Variants in CALML3 observed in about 807,000 individuals in gnomAD.
CALML3 encodes the protein calmodulin-like protein 3.
For missense variants in CALML3, 198 were observed against 214.1 expected, an observed-to-expected ratio of 0.92 and a Z score of 0.47; for synonymous variants, 98 against 89.9, an observed-to-expected ratio of 1.09 and a Z score of -0.51.
In CALML3 at chr10:5,525,331, C is replaced by T. The variant is rs750831263; in HGVS notation, c.246C>T (p.Asn82=). ...CCAGGAAGATGAAGGACACGGACAA[C>T]GAGGAGGAGATCCGCGAGGCCTTCC... is the stretch of plus-strand genomic sequence containing the variant. ...MMARKMKDTD[N]EEEIREAFRV... The change falls in exon 1 of 1, where the codon AAC becomes AAT. Residue 82 remains asparagine (N), a synonymous_variant. Transcript: ENST00000315238. 7 of 1,613,756 alleles carry T rather than the reference C, an allele frequency of 4.3e-6. No homozygotes were observed. Among genetic ancestry groups the T allele is most frequent in the East Asian group, 2.2e-5 (1 of 44,882 alleles).
chr10:5,525,845 G>A lies in CALML3; in HGVS notation c.*310G>A. On this transcript the variant is annotated 3_prime_UTR_variant, in exon 1 of 1. Coordinates refer to ENST00000315238, the MANE Select transcript of CALML3 (RefSeq NM_005185.4). ...CCAGGGCAGGTTGCGCTGACTCTGC[G>A]GCCCTCCAGGACGGACACCGGGTGA... is the stretch of plus-strand genomic sequence containing the variant. 1.7e-6 allele frequency: 2 copies of A among 1,147,522 alleles called. No individual in the cohort carries two copies. The highest frequency in any genetic ancestry group is 2.2e-6 in the Non-Finnish European group (2 of 893,822). 71.1% of individuals were successfully genotyped at this position (1,147,522 alleles called of 1,614,324 possible). A position where few individuals can be genotyped will look rare whatever the true frequency, so the allele number is the denominator to read the frequency against.
At position 5,525,146 on chromosome 10, in the gene CALML3, G is replaced by C; in HGVS notation, c.61G>C (p.Asp21His). The C allele has an allele frequency of 6.2e-7, 1 of 1,613,510 alleles. No individual in the cohort carries two copies. The highest frequency in any genetic ancestry group is 8.5e-7 in the Non-Finnish European group (1 of 1,179,646). Residue 21 changes from aspartate to histidine, a missense_variant, in exon 1 of 1, where the codon GAC (aspartate) becomes CAC (histidine). Transcript: ENST00000315238. ...ATTCAAGGAGGCCTTCTCCCTGTTTGACAAGGATGGGGACGGCTGCATCAC... is the reference window on the plus strand; with the variant it reads ...ATTCAAGGAGGCCTTCTCCCTGTTTCACAAGGATGGGGACGGCTGCATCAC... ...TEFKEAFSLF[D>H]KDGDGCITTR... is the part of the protein sequence containing the mutation.
In CALML3 at chr10:5,525,659, G is replaced by T; in HGVS notation, c.*124G>T. On this transcript the variant is annotated 3_prime_UTR_variant, in exon 1 of 1. Coordinates refer to ENST00000315238, the MANE Select transcript of CALML3 (RefSeq NM_005185.4). ...CTGTGGCTTCCTCCTGCGCCTGGTT[G>T]ATTCAGCCCACCTCTCTGCATCCCG... 1 of 1,449,600 alleles carries T rather than the reference G, an allele frequency of 6.9e-7. No homozygotes were observed. The highest frequency in any genetic ancestry group is 1.5e-5 in the South Asian group (1 of 67,236). 89.8% of individuals were successfully genotyped at this position (1,449,600 alleles called of 1,614,324 possible).
rs1833584154 is a variant in CALML3 at position 5,526,103 on chromosome 10, G to C, written c.*568G>C. On this transcript the variant is annotated 3_prime_UTR_variant, in exon 1 of 1. Coordinates refer to ENST00000315238, the MANE Select transcript of CALML3 (RefSeq NM_005185.4). ...CAGCACTGCCTTCCGCGCTGCCCCA[G>C]CTTGCCCCATTCCTTGTCCGCCAAC... 1 of 168,924 alleles carries C rather than the reference G, an allele frequency of 5.9e-6. No individual in the cohort carries two copies. Among genetic ancestry groups the C allele is most frequent in the Admixed American group, 6.4e-5 (1 of 15,608 alleles). The allele number at this position is 168,924 out of a possible 1,614,324, so 10.5% of individuals were successfully genotyped here.
chr10:5,525,531 A>AG lies in CALML3; in HGVS notation c.447dup (p.Ter150ValfsTer43). 3 of 1,588,142 alleles carry AG rather than the reference A, an allele frequency of 1.9e-6. No individual in the cohort carries two copies. The highest frequency in any genetic ancestry group is 2.6e-6 in the Non-Finnish European group (3 of 1,163,564). Reference sequence around the variant, plus strand: ...GAGTTTGTCCGTGTGCTGGTGTCCAAGTGAGGCCGGCGCCCACCATGCTCC... The same window carrying AG: ...GAGTTTGTCCGTGTGCTGGTGTCCAAGGTGAGGCCGGCGCCCACCATGCTCC... On this transcript the variant is annotated frameshift_variant, in exon 1 of 1. Coordinates refer to ENST00000315238, the MANE Select transcript of CALML3 (RefSeq NM_005185.4). LOFTEE classifies it high-confidence loss of function.
Position 5,525,684 on chromosome 10 carries a change from G to A in CALML3, c.*149G>A. The A allele has an allele frequency of 2.1e-6, 3 of 1,443,936 alleles. No individual in the cohort carries two copies. Among genetic ancestry groups the A allele is most frequent in the South Asian group, 1.5e-5 (1 of 66,446 alleles). 89.4% of individuals were successfully genotyped at this position (1,443,936 alleles called of 1,614,324 possible). On this transcript the variant is annotated 3_prime_UTR_variant, in exon 1 of 1. Coordinates refer to ENST00000315238, the MANE Select transcript of CALML3 (RefSeq NM_005185.4). ...GATTCAGCCCACCTCTCTGCATCCC[G>A]CTTCCCGCGTCTCTTCTCTGCACTC...
chr10:5,525,771 T>A lies in CALML3; in HGVS notation c.*236T>A. The A allele has an allele frequency of 7.1e-7, 1 of 1,417,152 alleles. No homozygotes were observed. The highest frequency in any genetic ancestry group is 2.6e-5 in the East Asian group (1 of 38,118). 87.8% of individuals were successfully genotyped at this position (1,417,152 alleles called of 1,614,324 possible). A position where few individuals can be genotyped will look rare whatever the true frequency, so the allele number is the denominator to read the frequency against. On this transcript the variant is annotated 3_prime_UTR_variant, in exon 1 of 1. Coordinates refer to ENST00000315238, the MANE Select transcript of CALML3 (RefSeq NM_005185.4). ...GAACGCTCCCACTGCAGGCAAACCG[T>A]GACGCCCTCCCCACTCGGGAGAAGC... is the stretch of plus-strand genomic sequence containing the variant.
chr10:5,525,410 G>A lies in CALML3; in HGVS notation c.325G>A (p.Val109Ile), dbSNP rs758671473. ...CGTCAGCGCCGCCGAGCTGCGACAC[G>A]TCATGACCCGGCTGGGGGAGAAGCT... ...GFVSAAELRH[V>I]MTRLGEKLSD... The change falls in exon 1 of 1, where the codon GTC becomes ATC. Residue 109 changes from valine (V) to isoleucine (I), a missense_variant. Val to Ile is a conservative substitution (Grantham distance 29). Coordinates refer to ENST00000315238, the MANE Select transcript of CALML3 (RefSeq NM_005185.4). The A allele has an allele frequency of 6.8e-6, 11 of 1,613,910 alleles. No homozygotes were observed. The highest frequency in any genetic ancestry group is 1.6e-4 in the Middle Eastern group (1 of 6,062).
rs1833561737 is a variant in CALML3 at position 5,525,069 on chromosome 10, A to C, written c.-17A>C. ...CCCACAGTGGCCTCTTCTGCCACCC[A>C]CGCCCCCACCCCTGGCATGGCCGAC... On this transcript the variant is annotated 5_prime_UTR_variant, in exon 1 of 1. Transcript: ENST00000315238. 3 of 1,564,022 alleles carry C rather than the reference A, an allele frequency of 1.9e-6. No individual in the cohort carries two copies. Among genetic ancestry groups the C allele is most frequent in the Non-Finnish European group, 2.6e-6 (3 of 1,147,064 alleles).
In CALML3 at chr10:5,525,143, T is replaced by C. The variant is rs930441737; in HGVS notation, c.58T>C (p.Phe20Leu). Residue 20 changes from phenylalanine (F) to leucine (L), a missense_variant, in exon 1 of 1, where the codon TTT (phenylalanine) becomes CTT (leucine). By Grantham distance (22) the Phe-to-Leu change is conservative. Coordinates refer to ENST00000315238, the MANE Select transcript of CALML3 (RefSeq NM_005185.4). Reference sequence around the variant, plus strand: ...AGAATTCAAGGAGGCCTTCTCCCTGTTTGACAAGGATGGGGACGGCTGCAT... The same window carrying C: ...AGAATTCAAGGAGGCCTTCTCCCTGCTTGACAAGGATGGGGACGGCTGCAT... ...VTEFKEAFSL[F>L]DKDGDGCITT... is the part of the protein sequence containing the mutation. 8 of 1,613,196 alleles carry C rather than the reference T, an allele frequency of 5.0e-6. No individual in the cohort carries two copies. The highest frequency in any genetic ancestry group is 6.8e-6 in the Non-Finnish European group (8 of 1,179,460).
At position 5,526,659 on chromosome 10, in the gene CALML3, A is replaced by G. The variant is rs1833591985; in HGVS notation, c.*1124A>G. The stretch of plus-strand genomic sequence containing the variant: ...AGCAATTCAGAGCCGTTAGTCCTGC[A>G]CTAGCCCTGCAAGCTGCTGGCAACA... On this transcript the variant is annotated 3_prime_UTR_variant, in exon 1 of 1. Transcript: ENST00000315238. 1 of 167,108 alleles carries G rather than the reference A, an allele frequency of 6.0e-6. No homozygotes were observed. Among genetic ancestry groups the G allele is most frequent in the Non-Finnish European group, 1.5e-5 (1 of 68,210 alleles). 10.4% of individuals were successfully genotyped at this position (167,108 alleles called of 1,614,324 possible).
chr10:5,525,215 C>A lies in CALML3; in HGVS notation c.130C>A (p.Pro44Thr), dbSNP rs1224383823. ...GTVMRSLGQNPTEAELRDMMS... is the reference protein window; with the variant it reads ...GTVMRSLGQNTTEAELRDMMS... ...GGTCATGCGGTCCCTGGGCCAGAACCCCACGGAGGCCGAGCTGCGGGACAT... is the reference window on the plus strand; with the variant it reads ...GGTCATGCGGTCCCTGGGCCAGAACACCACGGAGGCCGAGCTGCGGGACAT... The change falls in exon 1 of 1, where the codon CCC (proline) becomes ACC (threonine). Residue 44 changes from proline (P) to threonine (T), a missense_variant. Coordinates refer to ENST00000315238, the MANE Select transcript of CALML3 (RefSeq NM_005185.4). 2 of 1,613,820 alleles carry A rather than the reference C, an allele frequency of 1.2e-6. No homozygotes were observed. The highest frequency in any genetic ancestry group is 1.7e-6 in the Non-Finnish European group (2 of 1,179,998).
Position 5,525,254 on chromosome 10 carries a change from G to C in CALML3, c.169G>C (p.Asp57His). The part of the protein sequence containing the change: ...AELRDMMSEI[D>H]RDGNGTVDFP... ...GCTGCGGGACATGATGAGTGAGATC[G>C]ACCGGGACGGCAACGGCACCGTGGA... Residue 57 changes from aspartate to histidine, a missense_variant, in exon 1 of 1, where the codon GAC becomes CAC. By Grantham distance (81) the Asp-to-His change is moderately conservative. Coordinates refer to ENST00000315238, the MANE Select transcript of CALML3 (RefSeq NM_005185.4). The C allele has an allele frequency of 6.2e-7, 1 of 1,613,936 alleles. No individual in the cohort carries two copies. Among genetic ancestry groups the C allele is most frequent in the South Asian group, 1.1e-5 (1 of 91,064 alleles).
rs1179970737 is a variant in CALML3, at chr10:5,525,185, G to A, written c.100G>A (p.Gly34Ser). 2 of 1,613,934 alleles carry A rather than the reference G, an allele frequency of 1.2e-6. No individual in the cohort carries two copies. The highest frequency in any genetic ancestry group is 2.2e-5 in the East Asian group (1 of 44,862). The change falls in exon 1 of 1, where the codon GGC (glycine) becomes AGC (serine). Residue 34 changes from glycine to serine, a missense_variant. By Grantham distance (56) the Gly-to-Ser change is moderately conservative. Coordinates refer to ENST00000315238, the MANE Select transcript of CALML3 (RefSeq NM_005185.4). ...GDGCITTREL[G>S]TVMRSLGQNP... ...CGGCTGCATCACCACCCGCGAGCTG[G>A]GCACGGTCATGCGGTCCCTGGGCCA...
rs781538898 is a variant in CALML3, at chr10:5,525,553, C to G, written c.*18C>G. On this transcript the variant is annotated 3_prime_UTR_variant, in exon 1 of 1. Coordinates refer to ENST00000315238, the MANE Select transcript of CALML3 (RefSeq NM_005185.4). ...CCAAGTGAGGCCGGCGCCCACCATG[C>G]TCCTGGGCGCCCACGCGGCCCACAG... The G allele has an allele frequency of 7.0e-6, 11 of 1,563,430 alleles. No homozygotes were observed. In the Admixed American group the frequency reaches 2.0e-4, roughly 28 times the overall value.
In CALML3 at chr10:5,525,244, G is replaced by A. The variant is rs1485309408; in HGVS notation, c.159G>A (p.Met53Ile). 3 of 1,613,832 alleles carry A rather than the reference G, an allele frequency of 1.9e-6. No individual in the cohort carries two copies. The highest frequency in any genetic ancestry group is 2.7e-5 in the African/African-American group (2 of 74,926). Residue 53 changes from methionine to isoleucine, a missense_variant, in exon 1 of 1, where the codon ATG becomes ATA. Met to Ile is a conservative substitution (Grantham distance 10, BLOSUM62 1). Transcript: ENST00000315238. ...NPTEAELRDM[M>I]SEIDRDGNGT... Reference sequence around the variant, plus strand: ...CGGAGGCCGAGCTGCGGGACATGATGAGTGAGATCGACCGGGACGGCAACG... The same window carrying A: ...CGGAGGCCGAGCTGCGGGACATGATAAGTGAGATCGACCGGGACGGCAACG...
At position 5,525,769 on chromosome 10, in the gene CALML3, C is replaced by G. The variant is rs1022964732; in HGVS notation, c.*234C>G. The G allele has an allele frequency of 7.0e-7, 1 of 1,419,222 alleles. No homozygotes were observed. Among genetic ancestry groups the G allele is most frequent in the Non-Finnish European group, 9.2e-7 (1 of 1,081,978 alleles). 87.9% of individuals were successfully genotyped at this position (1,419,222 alleles called of 1,614,324 possible). ...CGGAACGCTCCCACTGCAGGCAAAC[C>G]GTGACGCCCTCCCCACTCGGGAGAA... On this transcript the variant is annotated 3_prime_UTR_variant, in exon 1 of 1. Transcript: ENST00000315238.
Position 5,525,122 on chromosome 10 carries a change from T to G in CALML3, c.37T>G (p.Phe13Val), listed in dbSNP as rs370873754. The G allele has an allele frequency of 6.2e-7, 1 of 1,611,804 alleles. No homozygotes were observed. Among genetic ancestry groups the G allele is most frequent in the Non-Finnish European group, 8.5e-7 (1 of 1,178,524 alleles). ...GCTGACTGAGGAGCAGGTCACAGAA[T>G]TCAAGGAGGCCTTCTCCCTGTTTGA... ...DQLTEEQVTEFKEAFSLFDKD... is the reference protein window; with the variant it reads ...DQLTEEQVTEVKEAFSLFDKD... The change falls in exon 1 of 1, where the codon TTC becomes GTC. Residue 13 changes from phenylalanine to valine, a missense_variant. Transcript: ENST00000315238.
In CALML3 at chr10:5,525,754, C is replaced by T; in HGVS notation, c.*219C>T. 1 of 1,431,072 alleles carries T rather than the reference C, an allele frequency of 7.0e-7. No homozygotes were observed. The allele number at this position is 1,431,072 out of a possible 1,614,324, so 88.6% of individuals were successfully genotyped here. A position where few individuals can be genotyped will look rare whatever the true frequency, so the allele number is the denominator to read the frequency against. On this transcript the variant is annotated 3_prime_UTR_variant, in exon 1 of 1. Transcript: ENST00000315238. ...CTCGTCTGAATGACACGGAACGCTC[C>T]CACTGCAGGCAAACCGTGACGCCCT...
Sources: gnomAD v4.1 joint callset for allele counts on GRCh38, gnomAD v4.1.1 for gene constraint, MANE v1.5 for transcripts, NCBI Gene and HGNC (gene_info 2026-07-23, HGNC 2026-07-21) for gene names.